The following USP39 variants were observed in gnomAD, a reference collection of about 807,000 sequenced individuals.
USP39 encodes ubiquitin carboxyl-terminal hydrolase 39.
In USP39, 38 loss-of-function variants were observed where a neutral mutation model predicts 66.4. The observed-to-expected ratio is 0.57, with a 90% CI of 0.44 to 0.75. The LOEUF (loss-of-function observed/expected upper bound fraction) is 0.75, where lower values mean the gene tolerates loss of function less well. Among genes scored for constraint, USP39 ranks in the 30% least tolerant of loss-of-function variants. USP39 has a pLI of 0.00. For synonymous variants in USP39, 303 were observed against 274.6 expected (o/e 1.10, Z -1.02); for missense variants, 608 against 714.4 (o/e 0.85, Z 1.70).
At chr2:85,612,474 A>G (rs917703145), upstream of USP39, 4 of 1,130,384 alleles carry the variant, frequency 3.5e-6, no homozygotes, top group East Asian at 1.1e-4. Context: ...ACCTACCTCA[A>G]ATGGATTGTG....
chr2:85,630,581 C>G, intron 5 of USP39, 140 bp from the exon 6 acceptor site: 1 of 717,574 alleles, frequency 1.4e-6, no homozygotes, highest in African/African-American at 1.8e-5. Flanking sequence ...GTAGGATTCT[C>G]CAAGGGTCCA....
At chr2:85,606,178 G>A (rs941104214) in intron 1 of USP39, among the ~76,000 whole-genome samples, 4 of 152,290 alleles carry the variant, frequency 2.6e-5, no homozygotes, top group Non-Finnish European at 4.4e-5. Flanking sequence ...GTGTGTGCGC[G>A]TTTTTTAAAG....
intron 8 of USP39, among the ~76,000 whole-genome samples, chr2:85,638,083 A>G (rs1297839049): frequency 6.7e-6 from 1 of 149,064 alleles, no homozygotes; most frequent in African/African-American, 2.5e-5. Flanking sequence ...GTGCAATGGC[A>G]TGATCTCAGC....
intron 5 of USP39, among the ~76,000 whole-genome samples, chr2:85,627,669 C>T (rs184321674): frequency 1.9e-3 from 284 of 151,730 alleles, no homozygotes; most frequent in African/African-American, 6.6e-3. Flanking sequence ...GTGGTGCATG[C>T]ATGCCTGTGG....
chr2:85,616,671 CTTTTTTCTTTTTTTTT>C (rs1558846550), intron 1 of USP39, among the ~76,000 whole-genome samples: 2 of 109,132 alleles, frequency 1.8e-5, no homozygotes, highest in Non-Finnish European at 3.4e-5. Context: ...TATAGTATTT[CTTTTTTCTTTTTTTTT>C]TTTTTTTTGA....
intron 1 of USP39, among the ~76,000 whole-genome samples, chr2:85,617,406 T>G (rs925645382): frequency 1.1e-4 from 17 of 152,310 alleles, no homozygotes; most frequent in African/African-American, 3.8e-4. Flanking sequence ...TCTCTTGAGT[T>G]TGTGCACGTA....
intron 1 of USP39, among the ~76,000 whole-genome samples, chr2:85,605,339 CACT>C (rs1673176669): frequency 6.6e-6 from 1 of 152,004 alleles, no homozygotes; most frequent in African/African-American, 2.4e-5. Context: ...ATAATTTGTA[CACT>C]ACATTTTATT....
chr2:85,636,629 A>G (rs1307102449), intron 7 of USP39, among the ~76,000 whole-genome samples: 2 of 151,996 alleles, frequency 1.3e-5, no homozygotes, highest in Non-Finnish European at 2.9e-5. Flanking sequence ...TCAGTCTCCC[A>G]AGGGTAGCTG....
At chr2:85,611,322 T>C (rs996385575), upstream of USP39, 20 of 1,427,112 alleles carry the variant, frequency 1.4e-5, no homozygotes, top group African/African-American at 2.9e-4. Context: ...ATTTACTGGG[T>C]TCATTCCGCA....
At chr2:85,616,119 C>G (rs943948177), upstream of USP39, 3 of 1,385,620 alleles carry the variant, frequency 2.2e-6, no homozygotes, top group Non-Finnish European at 1.9e-6. Context: ...CGCTACCAGC[C>G]CCTCTCCTGA....
intron 1 of USP39, among the ~76,000 whole-genome samples, chr2:85,605,001 T>C (rs1203676380): frequency 6.6e-6 from 1 of 152,204 alleles, no homozygotes; most frequent in African/African-American, 2.4e-5. Flanking sequence ...GGGCTCTTCA[T>C]AGGTAGTTGG....
chr2:85,616,180 TCGGC>T (rs1035760931), upstream of USP39: 1 of 1,422,760 alleles, frequency 7.0e-7, no homozygotes, highest in African/African-American at 1.5e-5. Flanking sequence ...GCTGGACGAC[TCGGC>T]CGGTAGTGGA....
intron 9 of USP39, chr2:85,639,772 A>G (rs1676088099): frequency 6.1e-6 from 1 of 164,628 alleles, no homozygotes; most frequent in Non-Finnish European, 1.3e-5. Flanking sequence ...TGTAAGAATC[A>G]CCACATGTAT....
At chr2:85,611,596 T>TC (rs1247125456), upstream of USP39, 3 of 1,553,168 alleles carry the variant, frequency 1.9e-6, no homozygotes, top group Non-Finnish European at 2.6e-6. Flanking sequence ...AAGTGGTTTT[T>TC]CCCTATAGAG....
chr2:85,607,583 A>G (rs913550577), upstream of USP39: 3 of 152,190 alleles, frequency 2.0e-5, no homozygotes, highest in African/African-American at 7.2e-5. Context: ...GACTTGACAC[A>G]TTTTAATGAC....
At chr2:85,620,944 C>T (rs1674413075) in intron 2 of USP39, among the ~76,000 whole-genome samples, 1 of 148,674 alleles carries the variant, frequency 6.7e-6, no homozygotes, top group African/African-American at 2.6e-5. Context: ...TGAAATTCTT[C>T]AGGCTATTTG....
At chr2:85,617,084 G>GTTAC (rs1674044181) in intron 1 of USP39, among the ~76,000 whole-genome samples, 2 of 148,722 alleles carry the variant, frequency 1.3e-5, no homozygotes, top group African/African-American at 5.0e-5. Flanking sequence ...TTTTACAAGT[G>GTTAC]TTACTTCCTT....
upstream of USP39, chr2:85,615,973 T>C: frequency 2.4e-6 from 2 of 846,264 alleles, no homozygotes; most frequent in Non-Finnish European, 2.8e-6. Context: ...AAGGTTCCCG[T>C]CTCAGTAAAC....
At chr2:85,644,119 C>G (rs1676469221) in intron 10 of USP39, among the ~76,000 whole-genome samples, 1 of 152,152 alleles carries the variant, frequency 6.6e-6, no homozygotes, top group Non-Finnish European at 1.5e-5. Flanking sequence ...ATTTTAAACT[C>G]TGTAATTTTG....
Sources: allele counts gnomAD v4.1 joint callset (sites outside exome capture counted in the v4.1 genomes callset), GRCh38; gene constraint gnomAD v4.1.1; transcripts MANE v1.5; gene names NCBI Gene and HGNC (gene_info 2026-07-23, HGNC 2026-07-21).